Variants in IL1RAPL2 observed in about 807,000 individuals in gnomAD.
The protein encoded by IL1RAPL2 is interleukin 1 receptor accessory protein like 2.
In IL1RAPL2, 3 loss-of-function variants were observed where a neutral mutation model predicts 44.1. The observed-to-expected ratio is 0.07, with a 90% CI of 0.03 to 0.18. IL1RAPL2 has a LOEUF of 0.18. Among genes scored for constraint, IL1RAPL2 ranks in the 10% least tolerant of loss-of-function variants. The probability of loss-of-function intolerance (pLI) is 1.00; values close to 1 mark genes in which losing one functional copy is unlikely to be tolerated. For synonymous variants in IL1RAPL2, 181 were observed against 178.8 expected, an observed-to-expected ratio of 1.01 and a Z score of -0.10; for missense variants, 391 against 496.4, an observed-to-expected ratio of 0.79 and a Z score of 2.02.
At chrX:105,080,625 G>T (rs1311299489) in intron 2 of IL1RAPL2, among the ~76,000 whole-genome samples, 1 of 111,844 alleles carries the variant, frequency 8.9e-6, no homozygotes, top group East Asian at 2.8e-4. Flanking sequence ...CTGTAGCCTT[G>T]TAGTATAGTT....
At chrX:105,076,719 G>C (rs1015642900) in intron 2 of IL1RAPL2, among the ~76,000 whole-genome samples, 1 of 111,467 alleles carries the variant, frequency 9.0e-6, no homozygotes, top group South Asian at 3.8e-4. Flanking sequence ...TTATGAATCT[G>C]GGTGCTCCAG....
At chrX:105,243,964 T>A (rs1371276206) in intron 4 of IL1RAPL2, among the ~76,000 whole-genome samples, 2 of 111,881 alleles carry the variant, frequency 1.8e-5, no homozygotes, top group Non-Finnish European at 3.8e-5. Flanking sequence ...TGTATTTGCC[T>A]TTTATAAAGT....
At chrX:104,759,196 A>T (rs1335765286) in intron 2 of IL1RAPL2, among the ~76,000 whole-genome samples, 1 of 112,654 alleles carries the variant, frequency 8.9e-6, no homozygotes, top group African/African-American at 3.2e-5. Context: ...TTGAGATCTT[A>T]CAGAATGAAT....
chrX:104,983,697 ATAT>A (rs1281932869), intron 2 of IL1RAPL2, among the ~76,000 whole-genome samples: 33 of 101,154 alleles, frequency 3.3e-4, no homozygotes, highest in Middle Eastern at 5.1e-3. Context: ...TATTAACATA[ATAT>A]TATATACATA....
chrX:104,993,956 G>A (rs1404188116), intron 2 of IL1RAPL2, among the ~76,000 whole-genome samples: 1 of 111,559 alleles, frequency 9.0e-6, no homozygotes, highest in Admixed American at 9.5e-5. Flanking sequence ...TTATGAACAG[G>A]TATTCTGGGT....
intron 2 of IL1RAPL2, among the ~76,000 whole-genome samples, chrX:105,080,525 T>G (rs769244544): frequency 9.0e-6 from 1 of 111,122 alleles, no homozygotes; most frequent in Non-Finnish European, 1.9e-5. Context: ...GATCAGATGG[T>G]TGCAGATATG....
chrX:104,712,153 C>A (rs1293249847), intron 2 of IL1RAPL2, among the ~76,000 whole-genome samples: 1 of 110,494 alleles, frequency 9.1e-6, no homozygotes, highest in African/African-American at 3.3e-5. Flanking sequence ...TAGGAAGTTC[C>A]CCTCTTCTCC....
At chrX:105,339,806 A>C (rs1310695240) in intron 5 of IL1RAPL2, among the ~76,000 whole-genome samples, 1 of 111,833 alleles carries the variant, frequency 8.9e-6, no homozygotes, top group Admixed American at 9.5e-5. Context: ...ATTATATTTT[A>C]AACTAGATTA....
At chrX:105,310,079 A>C (rs765983432) in intron 5 of IL1RAPL2, among the ~76,000 whole-genome samples, 15 of 111,523 alleles carry the variant, frequency 1.3e-4, no homozygotes, top group Admixed American at 2.9e-4. Context: ...TGAAACTCAC[A>C]GTGAAACCAT....
chrX:105,372,854 C>T (rs1350118416), intron 5 of IL1RAPL2, among the ~76,000 whole-genome samples: 2 of 111,878 alleles, frequency 1.8e-5, no homozygotes, highest in African/African-American at 6.5e-5. Context: ...ATATATGTAC[C>T]ATAATATGGC....
chrX:104,637,952 T>G (rs1929857549), intron 1 of IL1RAPL2, among the ~76,000 whole-genome samples: 1 of 111,451 alleles, frequency 9.0e-6, no homozygotes, highest in African/African-American at 3.3e-5. Context: ...GTGGTTTTCT[T>G]TAGAAGTTTG....
At chrX:105,313,313 T>C (rs960635459) in intron 5 of IL1RAPL2, among the ~76,000 whole-genome samples, 19 of 112,169 alleles carry the variant, frequency 1.7e-4, no homozygotes, top group Non-Finnish European at 3.4e-4. Flanking sequence ...GATAAAGTAA[T>C]TGAACAGAGT....
chrX:105,236,975 C>A (rs900769380), intron 4 of IL1RAPL2, among the ~76,000 whole-genome samples: 14 of 110,876 alleles, frequency 1.3e-4, no homozygotes, highest in Non-Finnish European at 1.3e-4. Context: ...AGGTGTATCT[C>A]CTAATGCTAT....
At chrX:105,665,726 G>GTTTTTTTTTTTTTTTTTTTTTTTTTTT (rs745949698) in intron 6 of IL1RAPL2, among the ~76,000 whole-genome samples, 1 of 75,211 alleles carries the variant, frequency 1.3e-5, no homozygotes, top group African/African-American at 5.2e-5. Context: ...TTTTATTTTT[G>GTTTTTTTTTTTTTTTTTTTTTTTTTTT]TTTTTTTGTT....
intron 2 of IL1RAPL2, among the ~76,000 whole-genome samples, chrX:104,911,649 G>A (rs955140801): frequency 2.7e-5 from 3 of 111,402 alleles, no homozygotes; most frequent in East Asian, 2.8e-4. Context: ...AGATGATGTC[G>A]TTCCTGCATC....
At chrX:105,608,696 T>C (rs2037313547) in intron 6 of IL1RAPL2, among the ~76,000 whole-genome samples, 2 of 112,208 alleles carry the variant, frequency 1.8e-5, no homozygotes, top group Admixed American at 1.9e-4. Context: ...AAGCACAAAT[T>C]AGAAAACCTT....
intron 2 of IL1RAPL2, among the ~76,000 whole-genome samples, chrX:104,816,978 C>T (rs911225008): frequency 1.3e-4 from 15 of 112,658 alleles, no homozygotes; most frequent in Admixed American, 1.0e-3. Context: ...ATTTATTTAA[C>T]GTATGTACAT....
At chrX:105,584,709 A>G (rs1166100779) in intron 6 of IL1RAPL2, among the ~76,000 whole-genome samples, 3 of 111,278 alleles carry the variant, frequency 2.7e-5, no homozygotes, top group Non-Finnish European at 5.7e-5. Flanking sequence ...AATATGCTCT[A>G]CCATATTGTG....
rs1037042223 is a variant in IL1RAPL2 at position 105,652,144 on chromosome X, T to G, written c.773-65223T>G. 2.7e-5 allele frequency among the ~76,000 whole-genome samples: 3 copies of G among 111,869 alleles called. No homozygotes were observed. In the Admixed American group the frequency reaches 2.9e-4, roughly 11 times the overall value. ...AAATTATCATTTGATTGCCTGAATCTTTCTTTGTACTAAGTTGTGTTGGCT... is the reference window on the plus strand; with the variant it reads ...AAATTATCATTTGATTGCCTGAATCGTTCTTTGTACTAAGTTGTGTTGGCT... On this transcript the variant is annotated intron_variant, in intron 6 of 10. Transcript: ENST00000372582.
Sources: allele counts gnomAD v4.1 joint callset (sites outside exome capture counted in the v4.1 genomes callset), GRCh38; gene constraint gnomAD v4.1.1; transcripts MANE v1.5; gene names NCBI Gene and HGNC (gene_info 2026-07-23, HGNC 2026-07-21).